Variants in GABRG2 observed in about 807,000 individuals in gnomAD.
GABRG2 encodes gamma-aminobutyric acid type A receptor subunit gamma2, also known as gamma-aminobutyric acid receptor subunit gamma-2.
In GABRG2, 16 loss-of-function variants were observed where a neutral mutation model predicts 56.4. The observed-to-expected ratio is 0.28, with a 90% CI of 0.19 to 0.43. The LOEUF (loss-of-function observed/expected upper bound fraction) is 0.43. Ranked by LOEUF, GABRG2 falls within the 20% of genes least tolerant of loss-of-function variation. The pLI is 1.00. For missense variants in GABRG2, 327 were observed against 582.7 expected (o/e 0.56, Z 4.52); for synonymous variants, 208 against 205.5 (o/e 1.01, Z -0.10).
At chr5:162,152,482 A>G (rs748862264) in intron 9 of GABRG2, 8 of 472,428 alleles carry the variant, frequency 1.7e-5, no homozygotes, top group Non-Finnish European at 2.9e-5. Context: ...ATTCACATGT[A>G]GGTAAACATT....
chr5:162,129,167 C>A (rs1358484426), intron 6 of GABRG2: 2 of 151,942 alleles, frequency 1.3e-5, no homozygotes, highest in Non-Finnish European at 2.9e-5. Context: ...CATAGGAAAG[C>A]AAGAAAGTTT....
chr5:162,138,481 C>T (rs13171631), intron 6 of GABRG2, among the ~76,000 whole-genome samples: 339 of 152,266 alleles, frequency 2.2e-3, no homozygotes, highest in Non-Finnish European at 3.1e-3. Flanking sequence ...GTCCTTTTAA[C>T]ACATTTAATT....
rs147571422 is a variant in GABRG2 at position 162,119,980 on chromosome 5, C to T, written c.769+15954C>T. 2.2e-4 allele frequency among the ~76,000 whole-genome samples: 33 copies of T among 152,138 alleles called. No homozygotes were observed. The East Asian group carries it at 6.2e-3, about 29-fold the overall frequency. On this transcript the variant is annotated intron_variant, in intron 6 of 9. Coordinates refer to ENST00000639213, the MANE Select transcript of GABRG2 (RefSeq NM_198904.4). ...TCCTCTTCCTGGCATTTGGAATGAT[C>T]GCCCCCATGCTTGCCATGCCTAGTG...
chr5:162,070,307 G>A (rs987669859), intron 1 of GABRG2, among the ~76,000 whole-genome samples: 1 of 151,978 alleles, frequency 6.6e-6, no homozygotes, highest in African/African-American at 2.4e-5. Context: ...TTGGTGCAGA[G>A]AATGTGATCA....
At chr5:162,126,704 C>T (rs1763364427) in intron 6 of GABRG2, among the ~76,000 whole-genome samples, 1 of 151,916 alleles carries the variant, frequency 6.6e-6, no homozygotes, top group African/African-American at 2.4e-5. Flanking sequence ...ACATTATAGC[C>T]ACATGAACTG....
Position 162,153,191 on chromosome 5 carries a change from G to A in GABRG2, c.1251G>A (p.Leu417=). 2.5e-6 allele frequency: 4 copies of A among 1,614,066 alleles called. No individual in the cohort carries two copies. Among genetic ancestry groups the A allele is most frequent in the Non-Finnish European group, 2.5e-6 (3 of 1,179,982 alleles). ...ERDEEYGYEC[L]DGKDCASFFC... ...ATGAAGAGTACGGCTATGAGTGTCT[G>A]GACGGCAAGGACTGTGCCAGTTTTT... Residue 417 remains leucine, a synonymous_variant, in exon 10 of 10, where the codon CTG becomes CTA. Coordinates refer to ENST00000639213, the MANE Select transcript of GABRG2 (RefSeq NM_198904.4).
At chr5:162,114,962 T>A (rs972898488) in intron 6 of GABRG2, among the ~76,000 whole-genome samples, 3 of 152,252 alleles carry the variant, frequency 2.0e-5, no homozygotes, top group Admixed American at 1.3e-4. Flanking sequence ...TGTTGTCGTT[T>A]TGCTTTGTTG....
At chr5:162,125,136 A>G (rs1763244192) in intron 6 of GABRG2, among the ~76,000 whole-genome samples, 1 of 151,826 alleles carries the variant, frequency 6.6e-6, no homozygotes, top group Non-Finnish European at 1.5e-5. Flanking sequence ...CAAATATGCT[A>G]TATTCTGAGA....
At chr5:162,124,123 A>C (rs1763157345) in intron 6 of GABRG2, among the ~76,000 whole-genome samples, 1 of 151,868 alleles carries the variant, frequency 6.6e-6, no homozygotes, top group East Asian at 1.9e-4. Context: ...GAGATTTCAA[A>C]TAGCTAAAGA....
At chr5:162,144,745 C>T (rs1382284929) in intron 7 of GABRG2, among the ~76,000 whole-genome samples, 1 of 152,150 alleles carries the variant, frequency 6.6e-6, no homozygotes, top group East Asian at 1.9e-4. Flanking sequence ...GGGTAGGAGG[C>T]CTTGGTGAAG....
At chr5:162,104,325 T>C (rs892568712) in intron 6 of GABRG2, among the ~76,000 whole-genome samples, 1 of 152,220 alleles carries the variant, frequency 6.6e-6, no homozygotes, top group African/African-American at 2.4e-5. Flanking sequence ...GTACCTGTTT[T>C]AGAAAGTATG....
intron 6 of GABRG2, among the ~76,000 whole-genome samples, chr5:162,113,241 G>C (rs747039754): frequency 2.0e-5 from 3 of 152,112 alleles, no homozygotes; most frequent in Non-Finnish European, 2.9e-5. Context: ...TGCCCAGCCT[G>C]GTTTGTTTTT....
In GABRG2 at chr5:162,131,042, A is replaced by G. The variant is rs74659407; in HGVS notation, c.770-11122A>G. Reference sequence around the variant, plus strand: ...GAAGTGTCTTAATTTCACCAAATAGATAACCAAAATGAGTAAAGTGAGAGG... The same window carrying G: ...GAAGTGTCTTAATTTCACCAAATAGGTAACCAAAATGAGTAAAGTGAGAGG... On this transcript the variant is annotated intron_variant, in intron 6 of 9. Transcript: ENST00000639213. Among the ~76,000 whole-genome samples, 423 of 152,164 alleles carry G rather than the reference A, an allele frequency of 2.8e-3. 2 individuals are homozygous for G. The highest frequency in any genetic ancestry group is 9.5e-3 in the African/African-American group (396 of 41,572).
At chr5:162,067,615 C>T, upstream of GABRG2, 1 of 485,570 alleles carries the variant, frequency 2.1e-6, no homozygotes. Flanking sequence ...TAAATAACCC[C>T]AAAGAGATGG....
chr5:162,112,035 T>A (rs1186256688), intron 6 of GABRG2, among the ~76,000 whole-genome samples: 1 of 152,120 alleles, frequency 6.6e-6, no homozygotes, highest in Non-Finnish European at 1.5e-5. Context: ...TATTTACTAG[T>A]TAAGTGGTCA....
intron 7 of GABRG2, chr5:162,142,778 T>C: frequency 3.5e-6 from 1 of 284,172 alleles, no homozygotes. Context: ...AGGAAAAGCA[T>C]TAGGAGATAT....
rs141106898 is a variant in GABRG2, at chr5:162,068,051, G to A, written c.52G>A (p.Val18Ile). Residue 18 changes from valine to isoleucine, a missense_variant, in exon 1 of 10, where the codon GTA becomes ATA. By Grantham distance (29) the Val-to-Ile change is conservative (BLOSUM62 3). Coordinates refer to ENST00000639213, the MANE Select transcript of GABRG2 (RefSeq NM_198904.4). ...AGGAAGCTCAGTCTACTCGACTCCTGTATTTTCACAGAAAATGACGGTGTG... is the reference window on the plus strand; with the variant it reads ...AGGAAGCTCAGTCTACTCGACTCCTATATTTTCACAGAAAATGACGGTGTG... ...STGSSVYSTPVFSQKMTVWIL... is the reference protein window; with the variant it reads ...STGSSVYSTPIFSQKMTVWIL... The A allele has an allele frequency of 1.2e-6, 2 of 1,613,158 alleles. No homozygotes were observed. Among genetic ancestry groups the A allele is most frequent in the East Asian group, 4.5e-5 (2 of 44,792 alleles).
intron 6 of GABRG2, among the ~76,000 whole-genome samples, chr5:162,110,848 G>T (rs567710181): frequency 8.5e-5 from 13 of 152,168 alleles, no homozygotes; most frequent in African/African-American, 3.1e-4. Context: ...CACAGTAATA[G>T]ATTTTAATTT....
chr5:162,135,190 G>A (rs1189139699), intron 6 of GABRG2, among the ~76,000 whole-genome samples: 1 of 151,878 alleles, frequency 6.6e-6, no homozygotes, highest in East Asian at 1.9e-4. Flanking sequence ...ACATAATGCA[G>A]CCACTCTGAT....
Sources: allele counts gnomAD v4.1 joint callset (sites outside exome capture counted in the v4.1 genomes callset), GRCh38; gene constraint gnomAD v4.1.1; transcripts MANE v1.5; gene names NCBI Gene and HGNC (gene_info 2026-07-23, HGNC 2026-07-21).